TBC1D16: variants seen among roughly 807,000 people sequenced by gnomAD.
The protein encoded by TBC1D16 is TBC1 domain family member 16.
In TBC1D16, 58 loss-of-function variants were observed where a neutral mutation model predicts 74.7. The ratio of observed to expected loss-of-function variants is 0.78; its 90% CI spans 0.63 to 0.97. The LOEUF is 0.97. TBC1D16 is among the 50% of genes least tolerant of loss of function. The pLI, the probability that TBC1D16 is intolerant of heterozygous loss-of-function variation, is 0.00. For missense variants in TBC1D16, 1,014 were observed against 1,079.5 expected (o/e 0.94, Z 0.85); for synonymous variants, 493 against 474.7 (o/e 1.04, Z -0.50).
intron 3 of TBC1D16, among the ~76,000 whole-genome samples, chr17:79,962,998 C>T (rs903593356): frequency 2.0e-5 from 3 of 150,368 alleles, no homozygotes; most frequent in Non-Finnish European, 3.0e-5. Context: ...TGCAGTGAGC[C>T]GAGATCGCGC....
chr17:80,030,701 T>G (rs866334184), intron 1 of TBC1D16, among the ~76,000 whole-genome samples: 1 of 152,164 alleles, frequency 6.6e-6, no homozygotes, highest in Non-Finnish European at 1.5e-5. Flanking sequence ...TGGAAACCCA[T>G]GGAGCTGGCA....
intron 3 of TBC1D16, among the ~76,000 whole-genome samples, chr17:80,003,833 T>C (rs972363470): frequency 5.9e-5 from 9 of 152,148 alleles, no homozygotes; most frequent in African/African-American, 2.2e-4. Flanking sequence ...GAGGGTCACT[T>C]GAGCCTAGGA....
chr17:79,951,596 C>A lies in TBC1D16; in HGVS notation c.943G>T (p.Asp315Tyr). 2 of 1,612,426 alleles carry A rather than the reference C, an allele frequency of 1.2e-6. No individual in the cohort carries two copies. Among genetic ancestry groups the A allele is most frequent in the Non-Finnish European group, 1.7e-6 (2 of 1,179,286 alleles). The change falls in exon 5 of 12, where the codon GAC becomes TAC. Residue 315 changes from aspartate (D) to tyrosine (Y), a missense_variant and splice_region_variant. By Grantham distance (160) the Asp-to-Tyr change is radical. Transcript: ENST00000310924. ...AGCTGGCCGCTGGTGCAGGCCTCGT[C>A]GCTGAAGGGCCATTGGAAGGGGGAG... ...HMRSLRLFFS[D>Y]EACTSGQLVV...
At chr17:80,012,297 C>A (rs1295951584) in intron 2 of TBC1D16, among the ~76,000 whole-genome samples, 1 of 152,132 alleles carries the variant, frequency 6.6e-6, no homozygotes, top group Non-Finnish European at 1.5e-5. Context: ...GTCTCTCTCT[C>A]TAGAACACCC....
chr17:79,947,450 G>A (rs1372597336), intron 9 of TBC1D16, among the ~76,000 whole-genome samples, 195 bp downstream of exon 9: 1 of 152,192 alleles, frequency 6.6e-6, no homozygotes, highest in Admixed American at 6.5e-5. Context: ...CCTGCAGGGA[G>A]TCAGAGGGCC....
Position 79,947,807 on chromosome 17 carries a change from C to T in TBC1D16, c.1566G>A (p.Val522=). The change falls in exon 9 of 12, where the codon GTG becomes GTA. Residue 522 remains valine, a synonymous_variant. Transcript: ENST00000310924. ...GGGAATAGCCGACGGCAGGGTTGTA[C>T]ACGGCGTAGTTCAGCAGGATCCTCC... ...SMRRILLNYA[V]YNPAVGYSQG... 2 of 1,613,568 alleles carry T rather than the reference C, an allele frequency of 1.2e-6. No individual in the cohort carries two copies. The highest frequency in any genetic ancestry group is 1.7e-6 in the Non-Finnish European group (2 of 1,179,994).
Position 79,938,054 on chromosome 17 carries a change from T to C in TBC1D16, c.*2805A>G, listed in dbSNP as rs1436940176. 1 of 152,192 alleles carries C rather than the reference T, an allele frequency of 6.6e-6. No homozygotes were observed. The highest frequency in any genetic ancestry group is 1.5e-5 in the Non-Finnish European group (1 of 68,038). 9.4% of individuals were successfully genotyped at this position (152,192 alleles called of 1,614,324 possible). ...ATCCCCTATTTGCACGTTCTGGCGG[T>C]GGGAAGGCTAGAAGTCTAATGACTG... On this transcript the variant is annotated 3_prime_UTR_variant, in exon 12 of 12. Coordinates refer to ENST00000310924, the MANE Select transcript of TBC1D16 (RefSeq NM_019020.4).
intron 1 of TBC1D16, among the ~76,000 whole-genome samples, chr17:80,033,530 G>A (rs1205554242): frequency 6.6e-6 from 1 of 152,082 alleles, no homozygotes; most frequent in East Asian, 1.9e-4. Flanking sequence ...CCACCAGCAT[G>A]TCCAGCTAAT....
intron 3 of TBC1D16, among the ~76,000 whole-genome samples, chr17:80,004,187 C>T (rs909913409): frequency 2.0e-5 from 3 of 152,234 alleles, no homozygotes; most frequent in African/African-American, 4.8e-5. Context: ...GGCCGCAGTG[C>T]GGGACGGCGC....
intron 1 of TBC1D16, among the ~76,000 whole-genome samples, chr17:80,028,829 G>A (rs965755738): frequency 1.3e-5 from 2 of 151,870 alleles, no homozygotes; most frequent in Middle Eastern, 3.2e-3. Flanking sequence ...GGCCAAGATG[G>A]TTTCAATCTC....
In TBC1D16 at chr17:80,013,419, A is replaced by C; in HGVS notation, c.129T>G (p.Asn43Lys). The C allele has an allele frequency of 6.2e-7, 1 of 1,608,530 alleles. No homozygotes were observed. The highest frequency in any genetic ancestry group is 1.7e-5 in the Admixed American group (1 of 59,346). ...GCCCCTCCGGCGGGTGCACGCAGAC[A>C]TTGTTCTTGGAGTAGATGATCTCTC... ...LDGEIIYSKN[N>K]VCVHPPEGLQ... The change falls in exon 2 of 12, where the codon AAT becomes AAG. Residue 43 changes from asparagine (N) to lysine (K), a missense_variant. Transcript: ENST00000310924.
At chr17:80,032,291 C>T (rs1235166167) in intron 1 of TBC1D16, among the ~76,000 whole-genome samples, 3 of 152,202 alleles carry the variant, frequency 2.0e-5, no homozygotes, top group African/African-American at 7.2e-5. Context: ...CCTTCCAACG[C>T]CTGCACAGAC....
chr17:79,945,553 G>A (rs2032456313), intron 9 of TBC1D16, among the ~76,000 whole-genome samples: 3 of 152,164 alleles, frequency 2.0e-5, no homozygotes, highest in South Asian at 4.1e-4. Context: ...GGACGTATCT[G>A]AGCCCCAGGA....
Position 80,034,040 on chromosome 17 carries a change from G to A in TBC1D16, c.-63+1755C>T, listed in dbSNP as rs78499079. Among the ~76,000 whole-genome samples the A allele has an allele frequency of 6.5e-3, 997 of 152,246 alleles. 10 individuals carry two copies. Among genetic ancestry groups the A allele is most frequent in the African/African-American group, 0.023 (942 of 41,524 alleles). On this transcript the variant is annotated intron_variant, in intron 1 of 11. Coordinates refer to ENST00000310924, the MANE Select transcript of TBC1D16 (RefSeq NM_019020.4). ...AGCTTGGGAAGTTACTTCTCTAAGC[G>A]TCAGTGTTCCCATCTGTAAATGGGC...
At chr17:79,977,905 C>T (rs1296274361) in intron 3 of TBC1D16, among the ~76,000 whole-genome samples, 2 of 152,248 alleles carry the variant, frequency 1.3e-5, no homozygotes, top group Admixed American at 6.5e-5. Context: ...AATAAAGCCT[C>T]GGCGACTGCG....
In TBC1D16 at chr17:80,007,029, C is replaced by G. The variant is rs2035700845; in HGVS notation, c.779+3131G>C. Among the ~76,000 whole-genome samples the G allele has an allele frequency of 1.3e-5, 2 of 152,244 alleles. No homozygotes were observed. Among genetic ancestry groups the G allele is most frequent in the South Asian group, 2.1e-4 (1 of 4,836 alleles). On this transcript the variant is annotated intron_variant, in intron 3 of 11. Coordinates refer to ENST00000310924, the MANE Select transcript of TBC1D16 (RefSeq NM_019020.4). This position sits in a 1 kb window ranked among gnomAD's most constrained non-coding sequence, Gnocchi z 4.5. ...CTGTCTTGGAGACAGGCTGTTTTCA[C>G]TCCAGCCTTGCACTGAAGCACACGC... is the stretch of plus-strand genomic sequence containing the variant.
At chr17:80,016,343 C>T (rs1004765586) in intron 1 of TBC1D16, among the ~76,000 whole-genome samples, 1 of 152,030 alleles carries the variant, frequency 6.6e-6, no homozygotes, top group African/African-American at 2.4e-5. Flanking sequence ...TGGACAGTGG[C>T]GGCGGCTCTA....
chr17:79,939,796 G>A lies in TBC1D16; in HGVS notation c.*1063C>T, dbSNP rs1324471454. ...GCTCCTTCACTGTGGTCGCTCTCAC[G>A]TCCGACCACCTGAGAAGCTGACTTA... On this transcript the variant is annotated 3_prime_UTR_variant, in exon 12 of 12. Coordinates refer to ENST00000310924, the MANE Select transcript of TBC1D16 (RefSeq NM_019020.4). 2 of 152,086 alleles carry A rather than the reference G, an allele frequency of 1.3e-5. No individual in the cohort carries two copies. The highest frequency in any genetic ancestry group is 2.9e-5 in the Non-Finnish European group (2 of 68,008). 9.4% of individuals were successfully genotyped at this position (152,086 alleles called of 1,614,324 possible).
Position 79,981,011 on chromosome 17 carries a change from C to G in TBC1D16, c.780-28193G>C, listed in dbSNP as rs1043293545. ...CCCCAAAGGGCAAACAGTCATGATA[C>G]CAATCACCAACATCCTTTGATAAGA... On this transcript the variant is annotated intron_variant, in intron 3 of 11. Transcript: ENST00000310924. The surrounding 1 kb of genome is among the most constrained non-coding windows in gnomAD (Gnocchi z 6.9). 6.6e-6 allele frequency among the ~76,000 whole-genome samples: 1 copy of G among 152,224 alleles called. No individual in the cohort carries two copies. The highest frequency in any genetic ancestry group is 1.5e-5 in the Non-Finnish European group (1 of 68,046).
Sources: gnomAD v4.1 joint callset for allele counts (sites outside exome capture counted in the v4.1 genomes callset) on GRCh38, gnomAD v4.1.1 for gene constraint, Gnocchi (gnomAD v3.1) non-coding constraint, MANE v1.5 for transcripts, NCBI Gene and HGNC (gene_info 2026-07-23, HGNC 2026-07-21) for gene names.